The following ABLIM3 variants were observed in gnomAD, a reference collection of about 807,000 sequenced individuals.
ABLIM3 encodes actin binding LIM protein family member 3, also known as actin-binding LIM protein 3.
ABLIM3 carries 61 observed loss-of-function variants against 109.5 expected under a neutral mutation model. That is an observed-to-expected ratio of 0.56 (90% CI 0.45 to 0.69). The LOEUF is 0.69. Among genes scored for constraint, ABLIM3 ranks in the 30% least tolerant of loss-of-function variants. The pLI is 0.00. For synonymous variants in ABLIM3, 300 were observed against 324.8 expected, an observed-to-expected ratio of 0.92 and a Z score of 0.82; for missense variants, 796 against 889.5, an observed-to-expected ratio of 0.89 and a Z score of 1.34.
At chr5:149,151,255 T>G (rs1486494069) in intron 2 of ABLIM3, among the ~76,000 whole-genome samples, 1 of 152,224 alleles carries the variant, frequency 6.6e-6, no homozygotes, top group Non-Finnish European at 1.5e-5. Context: ...TGTGTCCAGA[T>G]TCCCCCTTCC....
intron 15 of ABLIM3, 48 bp from the exon 16 acceptor site, chr5:149,244,833 T>C (rs1753191408): frequency 1.2e-6 from 2 of 1,613,776 alleles, no homozygotes; most frequent in Admixed American, 1.7e-5. Flanking sequence ...CACAGTCCCA[T>C]CCCGGTCACT....
intron 15 of ABLIM3, chr5:149,243,458 C>T (rs1753052794): frequency 6.6e-6 from 1 of 152,170 alleles, no homozygotes; most frequent in Non-Finnish European, 1.5e-5. Context: ...AAAAGGAGGC[C>T]CAGAATCGGT....
intron 2 of ABLIM3, among the ~76,000 whole-genome samples, chr5:149,169,576 G>A (rs1371840327): frequency 4.6e-5 from 7 of 152,180 alleles, no homozygotes; most frequent in African/African-American, 9.6e-5. Flanking sequence ...CCCAAGTCAG[G>A]AAAGGTCACA....
At chr5:149,202,521 A>G (rs1322695621) in intron 5 of ABLIM3, among the ~76,000 whole-genome samples, 1 of 152,230 alleles carries the variant, frequency 6.6e-6, no homozygotes, top group African/African-American at 2.4e-5. Context: ...GGGTGTTGGA[A>G]GGTCTTCTAA....
intron 2 of ABLIM3, among the ~76,000 whole-genome samples, chr5:149,170,823 T>A (rs1755349325): frequency 6.6e-6 from 1 of 152,198 alleles, no homozygotes; most frequent in African/African-American, 2.4e-5. Flanking sequence ...CTCAAAGATG[T>A]CTCAAAATAT....
chr5:149,249,765 A>G lies in ABLIM3; in HGVS notation c.1700-50A>G, dbSNP rs747503655. ...TTTGTCCCCATGAATTGTCTTCACC[A>G]TGTTTGTCTTTCCTCATGAGCAATG... On this transcript the variant is annotated intron_variant, in intron 18 of 23. Coordinates refer to ENST00000309868, the MANE Select transcript of ABLIM3 (RefSeq NM_014945.5). 8 of 1,611,394 alleles carry G rather than the reference A, an allele frequency of 5.0e-6. No individual in the cohort carries two copies. The South Asian group carries it at 7.7e-5, about 15-fold the overall frequency.
intron 7 of ABLIM3, chr5:149,216,466 G>T: frequency 6.5e-6 from 1 of 153,668 alleles, no homozygotes; most frequent in South Asian, 2.0e-4. Flanking sequence ...CATAAGCACC[G>T]AACTGGTACT....
intron 5 of ABLIM3, among the ~76,000 whole-genome samples, chr5:149,204,385 C>T (rs1211841939): frequency 6.6e-6 from 1 of 152,076 alleles, no homozygotes; most frequent in East Asian, 1.9e-4. Flanking sequence ...GGGTGGCATG[C>T]CTGAGGCTCC....
At chr5:149,217,114 A>C (rs1581154815) in intron 8 of ABLIM3, 68 bp downstream of exon 8, 1 of 1,423,600 alleles carries the variant, frequency 7.0e-7, no homozygotes, top group East Asian at 2.4e-5. Flanking sequence ...TGCGATCTTC[A>C]GGTTCAGTGT....
At position 149,168,431 on chromosome 5, in the gene ABLIM3, G is replaced by T. The variant is rs146687505; in HGVS notation, c.14-15021G>T. Among the ~76,000 whole-genome samples, 690 of 152,244 alleles carry T rather than the reference G, an allele frequency of 4.5e-3. 2 individuals are homozygous for T. The highest frequency in any genetic ancestry group is 0.016 in the African/African-American group (648 of 41,540). ...CTGGCTCTGAAATCTGAAGGGACAG[G>T]GCTCGGAAGACACGACGGAGTGAGG... On this transcript the variant is annotated intron_variant, in intron 2 of 23. Coordinates refer to ENST00000309868, the MANE Select transcript of ABLIM3 (RefSeq NM_014945.5).
chr5:149,152,000 C>A (rs1753478007), intron 2 of ABLIM3, among the ~76,000 whole-genome samples: 1 of 152,148 alleles, frequency 6.6e-6, no homozygotes, highest in South Asian at 2.1e-4. Flanking sequence ...TGTAAAGGGA[C>A]ACGTCTTATT....
intron 3 of ABLIM3, among the ~76,000 whole-genome samples, chr5:149,185,981 T>C (rs955404134): frequency 1.1e-4 from 17 of 152,220 alleles, no homozygotes; most frequent in Non-Finnish European, 1.9e-4. Flanking sequence ...GCTTAGCATC[T>C]AGTCAAAGTG....
intron 12 of ABLIM3, 44 bp from the exon 13 acceptor site, chr5:149,239,715 C>A (rs1752600638): frequency 6.5e-7 from 1 of 1,538,994 alleles, no homozygotes; most frequent in Non-Finnish European, 8.7e-7. Context: ...GCCACAGGCC[C>A]ACTTAACAGC....
Position 149,258,640 on chromosome 5 carries a change from G to T in ABLIM3, c.*236G>T. ...TGAGGGGACTCTGTCCTTTTATTGG[G>T]GATCCTTTTTATACTGAAACATCTG... is the stretch of plus-strand genomic sequence containing the variant. On this transcript the variant is annotated 3_prime_UTR_variant, in exon 24 of 24. Transcript: ENST00000309868. 1 of 1,245,776 alleles carries T rather than the reference G, an allele frequency of 8.0e-7. No individual in the cohort carries two copies. Among genetic ancestry groups the T allele is most frequent in the Non-Finnish European group, 1.0e-6 (1 of 993,816 alleles). The allele number at this position is 1,245,776 out of a possible 1,614,324, so 77.2% of individuals were successfully genotyped here. A position where few individuals can be genotyped will look rare whatever the true frequency, so the allele number is the denominator to read the frequency against.
chr5:149,148,000 C>T (rs1465356293), intron 2 of ABLIM3, among the ~76,000 whole-genome samples: 3 of 152,056 alleles, frequency 2.0e-5, no homozygotes, highest in Admixed American at 6.5e-5. Context: ...AAGCAGGTCA[C>T]GCAACCTCTC....
At chr5:149,146,673 T>C (rs1233972502) in intron 2 of ABLIM3, among the ~76,000 whole-genome samples, 1 of 152,230 alleles carries the variant, frequency 6.6e-6, no homozygotes, top group Admixed American at 6.5e-5. Flanking sequence ...CATTGGTCTA[T>C]ATGTCTGTTT....
At chr5:149,203,396 C>A (rs1225068725) in intron 5 of ABLIM3, among the ~76,000 whole-genome samples, 1 of 96,624 alleles carries the variant, frequency 1.0e-5, no homozygotes, top group Non-Finnish European at 3.0e-5. Context: ...TCATTGAGAG[C>A]AATCAGATGC....
At chr5:149,157,530 G>T (rs935796646) in intron 2 of ABLIM3, among the ~76,000 whole-genome samples, 1 of 108,632 alleles carries the variant, frequency 9.2e-6, no homozygotes, top group African/African-American at 3.9e-5. Flanking sequence ...CCCCGCCCCT[G>T]AGAATGACAT....
chr5:149,161,170 G>A lies in ABLIM3; in HGVS notation c.13+19062G>A, dbSNP rs192132954. Among the ~76,000 whole-genome samples, 617 of 152,276 alleles carry A rather than the reference G, an allele frequency of 4.1e-3. 3 individuals are homozygous for A. The highest frequency in any genetic ancestry group is 0.014 in the African/African-American group (577 of 41,556). ...GGCATCACCCACAGCTCATCTGCCCGCGGGAGCTCTCTGAAACCTTCTGTT... is the reference window on the plus strand; with the variant it reads ...GGCATCACCCACAGCTCATCTGCCCACGGGAGCTCTCTGAAACCTTCTGTT... On this transcript the variant is annotated intron_variant, in intron 2 of 23. Coordinates refer to ENST00000309868, the MANE Select transcript of ABLIM3 (RefSeq NM_014945.5).
Sources: allele counts gnomAD v4.1 joint callset (sites outside exome capture counted in the v4.1 genomes callset), GRCh38; gene constraint gnomAD v4.1.1; transcripts MANE v1.5; gene names NCBI Gene and HGNC (gene_info 2026-07-23, HGNC 2026-07-21).